The following PXDNL variants were observed in gnomAD, a reference collection of about 807,000 sequenced individuals.
PXDNL encodes the protein peroxidasin like, also known as probable oxidoreductase PXDNL.
A neutral mutation model predicts 150.8 loss-of-function variants in PXDNL; 145 were observed. The ratio of observed to expected loss-of-function variants is 0.96; its 90% CI spans 0.84 to 1.10. The LOEUF (loss-of-function observed/expected upper bound fraction) is 1.10. Ranked by LOEUF, PXDNL falls within the 50% of genes least tolerant of loss-of-function variation. The pLI is 0.00. For synonymous variants in PXDNL, 757 were observed against 725.7 expected (o/e 1.04, Z -0.69); for missense variants, 2,087 against 1,873.9 (o/e 1.11, Z -2.10).
At chr8:51,703,524 C>T (rs1457944999) in intron 1 of PXDNL, among the ~76,000 whole-genome samples, 2 of 152,002 alleles carry the variant, frequency 1.3e-5, no homozygotes, top group Non-Finnish European at 2.9e-5. Context: ...TTTTATTTGC[C>T]ATCTTGCAAA....
At chr8:51,613,219 T>C (rs1001454354) in intron 2 of PXDNL, among the ~76,000 whole-genome samples, 2 of 151,758 alleles carry the variant, frequency 1.3e-5, no homozygotes, top group Non-Finnish European at 2.9e-5. Context: ...AATATATATA[T>C]ATGTATATAT....
At chr8:51,619,736 C>A (rs1255476853) in intron 2 of PXDNL, among the ~76,000 whole-genome samples, 1 of 152,158 alleles carries the variant, frequency 6.6e-6, no homozygotes, top group African/African-American at 2.4e-5. Flanking sequence ...CCTACAGAAC[C>A]GTGAGCCAAT....
rs1808562808 is a variant in PXDNL at position 51,409,489 on chromosome 8, C to A, written c.2135G>T (p.Arg712Leu). ...LIANLSGCTARRPLPNCSNRC... is the reference protein window; with the variant it reads ...LIANLSGCTALRPLPNCSNRC... ...GTTGGAGCAGTTTGGCAGAGGCCTG[C>A]GAGCTGTGCATCCAGATAAATTGGC... Residue 712 changes from arginine to leucine, a missense_variant, in exon 17 of 23, where the codon CGC becomes CTC. Physicochemically the swap from Arg to Leu is moderately radical, Grantham distance 102. Transcript: ENST00000356297. 4 of 1,612,002 alleles carry A rather than the reference C, an allele frequency of 2.5e-6. No homozygotes were observed. The highest frequency in any genetic ancestry group is 1.1e-5 in the South Asian group (1 of 91,012).
intron 1 of PXDNL, among the ~76,000 whole-genome samples, chr8:51,792,231 G>A (rs972041037): frequency 5.9e-5 from 9 of 151,862 alleles, no homozygotes; most frequent in Admixed American, 1.3e-4. Context: ...CTGAGGTATC[G>A]AGGTTCTCTC....
intron 1 of PXDNL, among the ~76,000 whole-genome samples, chr8:51,667,579 T>C (rs16916697): frequency 0.033 from 5,095 of 152,252 alleles, 299 homozygotes; most frequent in African/African-American, 0.12. Flanking sequence ...GTGAGATCAG[T>C]AATAACTTCT....
chr8:51,731,184 A>G (rs1326572232), intron 1 of PXDNL, among the ~76,000 whole-genome samples: 5 of 152,258 alleles, frequency 3.3e-5, no homozygotes, highest in African/African-American at 1.2e-4. Context: ...TGTAAAATCA[A>G]AAGCAAGTTA....
At chr8:51,342,879 CAAAAAAAAAAAA>C (rs35948794) in intron 20 of PXDNL, among the ~76,000 whole-genome samples, 1 of 90,222 alleles carries the variant, frequency 1.1e-5, no homozygotes, top group East Asian at 4.6e-4. Flanking sequence ...GATTAAGATT[CAAAAAAAAAAAA>C]AAAAAAAAGG....
rs1814966496 is a variant in PXDNL, at chr8:51,648,307, C to A, written c.236+6382G>T. Among the ~76,000 whole-genome samples, 5 of 152,262 alleles carry A rather than the reference C, an allele frequency of 3.3e-5. No individual in the cohort carries two copies. In the South Asian group the frequency reaches 1.0e-3, roughly 32 times the overall value. On this transcript the variant is annotated intron_variant, in intron 2 of 22. Coordinates refer to ENST00000356297, the MANE Select transcript of PXDNL (RefSeq NM_144651.5). The stretch of plus-strand genomic sequence containing the variant: ...TCGGGGATGTGATTAAATTAAGGAT[C>A]TTGAAATGGGATTATTCAGAGTGGG...
In PXDNL at chr8:51,340,101, A is replaced by G. The variant is rs1024937378; in HGVS notation, c.4017-348T>C. 4 of 160,864 alleles carry G rather than the reference A, an allele frequency of 2.5e-5. 1 individual carries two copies. In the South Asian group the frequency reaches 6.9e-4, roughly 28 times the overall value. The allele number at this position is 160,864 out of a possible 1,614,324, so 10.0% of individuals were successfully genotyped here. Reference sequence around the variant, plus strand: ...TAACGAATTCTTCATTTCACTTTAAACAGTGAAAGAGCAGTGACAAATTTA... The same window carrying G: ...TAACGAATTCTTCATTTCACTTTAAGCAGTGAAAGAGCAGTGACAAATTTA... On this transcript the variant is annotated intron_variant, in intron 20 of 22. Transcript: ENST00000356297.
chr8:51,654,606 C>T, intron 2 of PXDNL, 83 bp downstream of exon 2: 1 of 1,017,722 alleles, frequency 9.8e-7, no homozygotes, highest in Non-Finnish European at 1.5e-6. Context: ...CTGTTCTTGA[C>T]ACTCAGAATG....
At chr8:51,723,934 C>T (rs537565684) in intron 1 of PXDNL, among the ~76,000 whole-genome samples, 1 of 152,030 alleles carries the variant, frequency 6.6e-6, no homozygotes, top group South Asian at 2.1e-4. Context: ...TGCACCTGAA[C>T]AAGACGACTG....
chr8:51,767,040 T>C (rs968883290), intron 1 of PXDNL, among the ~76,000 whole-genome samples: 2 of 152,156 alleles, frequency 1.3e-5, no homozygotes, highest in Admixed American at 1.3e-4. Context: ...TATTGATGTT[T>C]TCTATTTGGT....
chr8:51,639,242 G>C (rs934661064), intron 2 of PXDNL, among the ~76,000 whole-genome samples: 2 of 152,134 alleles, frequency 1.3e-5, no homozygotes, highest in Non-Finnish European at 2.9e-5. Context: ...GCCCACAAGA[G>C]AAAGCAAGAA....
chr8:51,651,216 C>A (rs1476199004), intron 2 of PXDNL, among the ~76,000 whole-genome samples: 1 of 152,022 alleles, frequency 6.6e-6, no homozygotes, highest in Non-Finnish European at 1.5e-5. Flanking sequence ...TATAGCTTAC[C>A]TAGGAATAAA....
At chr8:51,459,581 C>T (rs2130012076) in intron 8 of PXDNL, among the ~76,000 whole-genome samples, 1 of 152,280 alleles carries the variant, frequency 6.6e-6, no homozygotes, top group East Asian at 1.9e-4. Flanking sequence ...CATTCCTTTT[C>T]CTAGTAATTT....
intron 1 of PXDNL, among the ~76,000 whole-genome samples, chr8:51,786,489 T>G (rs2037461818): frequency 6.6e-6 from 1 of 152,132 alleles, no homozygotes; most frequent in Non-Finnish European, 1.5e-5. Flanking sequence ...AAAATATTCT[T>G]GAATCACTGA....
chr8:51,678,284 G>C (rs532326581), intron 1 of PXDNL, among the ~76,000 whole-genome samples: 1 of 152,290 alleles, frequency 6.6e-6, no homozygotes, highest in African/African-American at 2.4e-5. Flanking sequence ...CTTCAGTAGA[G>C]ATCACTGAAA....
intron 7 of PXDNL, 76 bp from the exon 8 acceptor site, chr8:51,472,380 T>C (rs1810363666): frequency 2.8e-6 from 3 of 1,058,362 alleles, no homozygotes; most frequent in Non-Finnish European, 4.3e-6. Flanking sequence ...GAAAGAGATA[T>C]AGGCAATTTA....
intron 2 of PXDNL, among the ~76,000 whole-genome samples, chr8:51,626,446 T>C (rs1195929669): frequency 6.6e-6 from 1 of 152,192 alleles, no homozygotes; most frequent in African/African-American, 2.4e-5. Context: ...GATTCCCAGT[T>C]TGGCTGACTT....
Sources: gnomAD v4.1 joint callset for allele counts (sites outside exome capture counted in the v4.1 genomes callset) on GRCh38, gnomAD v4.1.1 for gene constraint, MANE v1.5 for transcripts, NCBI Gene and HGNC (gene_info 2026-07-23, HGNC 2026-07-21) for gene names.